The following SLC71A1 variants were observed in gnomAD, a reference collection of about 807,000 sequenced individuals.
The protein encoded by SLC71A1 is solute carrier family 71 member 1, also known as hippocampus abundant gene transcript 1.
the SLC71A1 span, among the ~76,000 whole-genome samples, chr1:100,047,181 A>T: frequency 4.6e-5 from 7 of 152,202 alleles, no homozygotes; most frequent in African/African-American, 1.7e-4. Context: ...GTTCAGCATG[A>T]TAGCTCTGTG....
the SLC71A1 span, chr1:100,080,442 T>C: frequency 1.4e-6 from 2 of 1,458,000 alleles, no homozygotes; most frequent in East Asian, 2.3e-5. Flanking sequence ...GGTTCTAAGG[T>C]AGGGAAAAAA....
chr1:100,064,182 C>T, the SLC71A1 span, among the ~76,000 whole-genome samples: 154 of 152,304 alleles, frequency 1.0e-3, no homozygotes, highest in Non-Finnish European at 1.6e-3. Flanking sequence ...CGCTCTGTCA[C>T]CCAGGCTGGA....
At chr1:100,082,482 C>CTA in the SLC71A1 span, 1 of 410,874 alleles carries the variant, frequency 2.4e-6, no homozygotes, top group African/African-American at 2.0e-5. Flanking sequence ...TAATTAAAAA[C>CTA]TATATATGTA....
At chr1:100,080,583 A>G in the SLC71A1 span, 3 of 1,614,094 alleles carry the variant, frequency 1.9e-6, no homozygotes, top group South Asian at 3.3e-5. Context: ...TACATATTCC[A>G]TGTGGAACTT....
chr1:100,054,110 C>T, the SLC71A1 span, among the ~76,000 whole-genome samples: 27 of 148,058 alleles, frequency 1.8e-4, no homozygotes, highest in Admixed American at 6.8e-4. Context: ...GGCGTGATCT[C>T]GGCTCACTGC....
chr1:100,049,882 C>CT, the SLC71A1 span: 1 of 1,290,092 alleles, frequency 7.8e-7, no homozygotes, highest in Non-Finnish European at 1.1e-6. Flanking sequence ...CTTTTTTTAA[C>CT]TTTTTAAAAA....
the SLC71A1 span, chr1:100,080,732 G>A: frequency 7.5e-7 from 1 of 1,325,650 alleles, no homozygotes. Flanking sequence ...TTTTGGTCAT[G>A]AAAGCTTTTA....
At chr1:100,045,291 C>A in the SLC71A1 span, among the ~76,000 whole-genome samples, 2 of 152,136 alleles carry the variant, frequency 1.3e-5, no homozygotes, top group East Asian at 3.9e-4. Context: ...TGATTTGATT[C>A]TCAGCTTTGT....
At chr1:100,081,565 G>A in the SLC71A1 span, among the ~76,000 whole-genome samples, 12 of 151,932 alleles carry the variant, frequency 7.9e-5, no homozygotes, top group Admixed American at 2.6e-4. Context: ...TAGTAGAGAC[G>A]AGGTTTCACC....
the SLC71A1 span, chr1:100,079,824 G>T: frequency 6.6e-6 from 1 of 152,486 alleles, no homozygotes; most frequent in African/African-American, 2.4e-5. Context: ...GCAGTGAGCC[G>T]AGATCGTGCC....
chr1:100,070,774 A>G, the SLC71A1 span, among the ~76,000 whole-genome samples: 1 of 152,070 alleles, frequency 6.6e-6, no homozygotes, highest in Admixed American at 6.5e-5. Context: ...CACTATGAAG[A>G]CAATCTAGTC....
the SLC71A1 span, among the ~76,000 whole-genome samples, chr1:100,050,581 C>T: frequency 6.6e-6 from 1 of 151,942 alleles, no homozygotes; most frequent in South Asian, 2.1e-4. Flanking sequence ...AATATCTATA[C>T]CATCTTGAAA....
At chr1:100,039,557 A>G in the SLC71A1 span, among the ~76,000 whole-genome samples, 1 of 152,172 alleles carries the variant, frequency 6.6e-6, no homozygotes, top group Non-Finnish European at 1.5e-5. Flanking sequence ...AAATTCCTCA[A>G]GTTCTTTTTA....
the SLC71A1 span, among the ~76,000 whole-genome samples, chr1:100,062,696 C>A: frequency 1.3e-5 from 2 of 151,944 alleles, no homozygotes; most frequent in African/African-American, 4.8e-5. Context: ...TTAAAAGGGA[C>A]TGATTTCTGA....
At chr1:100,078,836 G>A in the SLC71A1 span, 55 of 225,944 alleles carry the variant, frequency 2.4e-4, no homozygotes, top group African/African-American at 1.2e-3. Context: ...TTGAGAGGCC[G>A]AGGCAGGCAG....
At chr1:100,055,676 G>T in the SLC71A1 span, among the ~76,000 whole-genome samples, 2 of 152,040 alleles carry the variant, frequency 1.3e-5, no homozygotes, top group Admixed American at 1.3e-4. Flanking sequence ...TTACGTCAGG[G>T]TAAATGGGGT....
chr1:100,074,223 G>T, the SLC71A1 span, among the ~76,000 whole-genome samples: 1 of 152,176 alleles, frequency 6.6e-6, no homozygotes, highest in Non-Finnish European at 1.5e-5. Flanking sequence ...CCCCAGGAAA[G>T]GGGGATTGGT....
the SLC71A1 span, among the ~76,000 whole-genome samples, chr1:100,072,234 CCCT>C: frequency 2.0e-5 from 3 of 152,190 alleles, no homozygotes; most frequent in African/African-American, 7.2e-5. Flanking sequence ...GTGTATTTCT[CCCT>C]CCTCTCCAGC....
At chr1:100,068,362 C>A in the SLC71A1 span, 1 of 925,570 alleles carries the variant, frequency 1.1e-6, no homozygotes, top group South Asian at 1.6e-5. Flanking sequence ...ATAAAAAGGA[C>A]AACTAGTTGT....
Sources: gnomAD v4.1 joint callset for allele counts (sites outside exome capture counted in the v4.1 genomes callset) on GRCh38, gnomAD v4.1.1 for gene constraint, MANE v1.5 for transcripts, NCBI Gene and HGNC (gene_info 2026-07-23, HGNC 2026-07-21) for gene names.